Variants in ATF6B observed in about 807,000 individuals in gnomAD.
The protein encoded by ATF6B is activating transcription factor 6 beta.
Under a neutral mutation model 83.5 loss-of-function variants are expected in ATF6B, and 50 were observed. The ratio of observed to expected loss-of-function variants is 0.60; its 90% CI spans 0.48 to 0.76. The LOEUF (loss-of-function observed/expected upper bound fraction) is 0.76, where lower values mean the gene tolerates loss of function less well. Among genes scored for constraint, ATF6B ranks in the 30% least tolerant of loss-of-function variants. The probability of loss-of-function intolerance (pLI) is 0.00; values close to 1 mark genes in which losing one functional copy is unlikely to be tolerated. For missense variants in ATF6B, 790 were observed against 893.8 expected (o/e 0.88, Z 1.48); for synonymous variants, 344 against 362.8 (o/e 0.95, Z 0.59).
Position 32,119,975 on chromosome 6 carries a change from A to G in ATF6B, c.833-18T>C. 1 of 1,612,286 alleles carries G rather than the reference A, an allele frequency of 6.2e-7. No homozygotes were observed. Among genetic ancestry groups the G allele is most frequent in the Non-Finnish European group, 8.5e-7 (1 of 1,178,954 alleles). ...TGGGGACACTGGGGCAAGTGAGCAG[A>G]GGTCAGAGGGCTGTGCGCTGGGTGG... On this transcript the variant is annotated intron_variant, in intron 8 of 17. Coordinates refer to ENST00000375203, the MANE Select transcript of ATF6B (RefSeq NM_004381.5). This position sits in a 1 kb window ranked among gnomAD's most constrained non-coding sequence, Gnocchi z 4.9.
At chr6:32,123,523 A>G (rs1781848285) in intron 5 of ATF6B, among the ~76,000 whole-genome samples, 2 of 151,878 alleles carry the variant, frequency 1.3e-5, no homozygotes, top group African/African-American at 4.8e-5. Flanking sequence ...CGAGTAGCTG[A>G]GACTACAGGT....
In ATF6B at chr6:32,118,835, C is replaced by G. The variant is rs1157217541; in HGVS notation, c.1184G>C (p.Arg395Thr). ...GAAGACCATGATGCAGACCACCTTC[C>G]TGTTTCCAGACCCTAACTTGAGCTC... ...NSELKLGSGN[R>T]KVVCIMVFLL... The change falls in exon 11 of 18, where the codon AGG (arginine) becomes ACG (threonine). Residue 395 changes from arginine to threonine, a missense_variant. By Grantham distance (71) the Arg-to-Thr change is moderately conservative. This residue lies in a region of ATF6B where 530 missense variants were observed against 632.6 expected (regional missense o/e 0.84). Coordinates refer to ENST00000375203, the MANE Select transcript of ATF6B (RefSeq NM_004381.5). The surrounding 1 kb of genome is among the most constrained non-coding windows in gnomAD (Gnocchi z 5.2). The G allele has an allele frequency of 2.5e-6, 4 of 1,614,242 alleles. No homozygotes were observed. The South Asian group carries it at 4.4e-5, about 18-fold the overall frequency.
Position 32,118,932 on chromosome 6 carries a change from C to A in ATF6B, c.1152+24G>T, listed in dbSNP as rs770054829. On this transcript the variant is annotated intron_variant, in intron 10 of 17. Transcript: ENST00000375203. This position sits in a 1 kb window ranked among gnomAD's most constrained non-coding sequence, Gnocchi z 5.2. ...CCAAGGAGGCTGTATTCCTGTTGGT[C>A]TCCCAGGGACAGACTGGTCTTACTT... The A allele has an allele frequency of 2.5e-6, 4 of 1,613,936 alleles. No individual in the cohort carries two copies. In the South Asian group the frequency reaches 3.3e-5, roughly 13 times the overall value.
chr6:32,126,859 C>CA (rs1283515706), intron 4 of ATF6B, among the ~76,000 whole-genome samples: 12 of 150,842 alleles, frequency 8.0e-5, no homozygotes, highest in Non-Finnish European at 1.6e-4. Context: ...GGCCCTATCT[C>CA]AAAAAAAAGC....
At chr6:32,127,797 T>A (rs752348374) in intron 1 of ATF6B, 47 bp from the exon 2 acceptor site, 2 of 1,589,218 alleles carry the variant, frequency 1.3e-6, no homozygotes. Flanking sequence ...GGCCCCAGCC[T>A]ACAGATCGCA....
chr6:32,117,487 G>A lies in ATF6B; in HGVS notation c.1533-83C>T. 6.3e-7 allele frequency: 1 copy of A among 1,594,540 alleles called. No homozygotes were observed. ...GCCCACCCACAGGAGTGAGGAGAGG[G>A]CAGGGAGCACTGGCGCTTTAGTACA... On this transcript the variant is annotated intron_variant, in intron 13 of 17. Coordinates refer to ENST00000375203, the MANE Select transcript of ATF6B (RefSeq NM_004381.5). The surrounding 1 kb of genome is among the most constrained non-coding windows in gnomAD (Gnocchi z 5.0).
At position 32,115,642 on chromosome 6, in the gene ATF6B, A is replaced by G. The variant is rs1455623231; in HGVS notation, c.*97T>C. ...CCCACACCTGCTCTTTCCTTTACCA[A>G]TTGCCCCAAGCCTGGGGATCAGGGA... is the stretch of plus-strand genomic sequence containing the variant. On this transcript the variant is annotated 3_prime_UTR_variant, in exon 18 of 18. Transcript: ENST00000375203. The G allele has an allele frequency of 8.9e-7, 1 of 1,120,472 alleles. No homozygotes were observed. The highest frequency in any genetic ancestry group is 1.6e-5 in the African/African-American group (1 of 64,058). 69.4% of individuals were successfully genotyped at this position (1,120,472 alleles called of 1,614,324 possible). A position where few individuals can be genotyped will look rare whatever the true frequency, so the allele number is the denominator to read the frequency against.
At position 32,115,513 on chromosome 6, in the gene ATF6B, CAAA is replaced by C; in HGVS notation, c.*223_*225del. ...CTGAACCTCACACAATCCCCTCAAACAAAGAAGCCAGGACTGGGGGTTCACAGG... is the reference window on the plus strand; with the variant it reads ...CTGAACCTCACACAATCCCCTCAAACGAAGCCAGGACTGGGGGTTCACAGG... On this transcript the variant is annotated 3_prime_UTR_variant, in exon 18 of 18. Coordinates refer to ENST00000375203, the MANE Select transcript of ATF6B (RefSeq NM_004381.5). 2.3e-6 allele frequency: 1 copy of C among 440,002 alleles called. No homozygotes were observed. Among genetic ancestry groups the C allele is most frequent in the Non-Finnish European group, 4.0e-6 (1 of 251,546 alleles). The allele number at this position is 440,002 out of a possible 1,614,324, so 27.3% of individuals were successfully genotyped here.
Position 32,118,432 on chromosome 6 carries a change from A to G in ATF6B, c.1244+343T>C, listed in dbSNP as rs576223733. The stretch of plus-strand genomic sequence containing the variant: ...ACAACAGTGAAACCCTGTCTCTACT[A>G]AAAAATACAAAAAATTAGCCGGGCA... On this transcript the variant is annotated intron_variant, in intron 11 of 17. Coordinates refer to ENST00000375203, the MANE Select transcript of ATF6B (RefSeq NM_004381.5). This position sits in a 1 kb window ranked among gnomAD's most constrained non-coding sequence, Gnocchi z 5.2. Among the ~76,000 whole-genome samples, 4 of 152,256 alleles carry G rather than the reference A, an allele frequency of 2.6e-5. No homozygotes were observed. The South Asian group carries it at 8.3e-4, about 32-fold the overall frequency.
At position 32,125,976 on chromosome 6, in the gene ATF6B, G is replaced by C; in HGVS notation, c.478+141C>G. The C allele has an allele frequency of 7.9e-7, 1 of 1,265,650 alleles. No homozygotes were observed. Among genetic ancestry groups the C allele is most frequent in the Non-Finnish European group, 1.1e-6 (1 of 918,960 alleles). The allele number at this position is 1,265,650 out of a possible 1,614,324, so 78.4% of individuals were successfully genotyped here. ...TCCTCTCCTTCCTGCCTTCCCTCCT[G>C]GTTTTCTGCCATTTCCCCTCCCCAC... On this transcript the variant is annotated intron_variant, in intron 5 of 17. Coordinates refer to ENST00000375203, the MANE Select transcript of ATF6B (RefSeq NM_004381.5). This position sits in a 1 kb window ranked among gnomAD's most constrained non-coding sequence, Gnocchi z 4.1.
In ATF6B at chr6:32,118,159, G is replaced by T; in HGVS notation, c.1245-121C>A. 2 of 1,238,066 alleles carry T rather than the reference G, an allele frequency of 1.6e-6. No homozygotes were observed. The highest frequency in any genetic ancestry group is 2.3e-6 in the Non-Finnish European group (2 of 870,560). The allele number at this position is 1,238,066 out of a possible 1,614,324, so 76.7% of individuals were successfully genotyped here. On this transcript the variant is annotated intron_variant, in intron 11 of 17. Coordinates refer to ENST00000375203, the MANE Select transcript of ATF6B (RefSeq NM_004381.5). This position sits in a 1 kb window ranked among gnomAD's most constrained non-coding sequence, Gnocchi z 5.2. ...CAATCTGTTATACAAGCCTGAGTCT[G>T]CCTCTGTAAGATGGGAATAAGGATG...
Position 32,117,726 on chromosome 6 carries a change from G to T in ATF6B, c.1425-32C>A. 6.2e-7 allele frequency: 1 copy of T among 1,606,686 alleles called. No individual in the cohort carries two copies. Among genetic ancestry groups the T allele is most frequent in the Non-Finnish European group, 8.5e-7 (1 of 1,175,532 alleles). ...TGAAGCAGGAAGGAGACAACACTTG[G>T]AGACTGCCCAGCACTCCCACAACAA... On this transcript the variant is annotated intron_variant, in intron 12 of 17. Transcript: ENST00000375203. The surrounding 1 kb of genome is among the most constrained non-coding windows in gnomAD (Gnocchi z 5.0).
chr6:32,117,899 T>C lies in ATF6B; in HGVS notation c.1384A>G (p.Lys462Glu). The C allele has an allele frequency of 1.9e-6, 3 of 1,586,922 alleles. No individual in the cohort carries two copies. The highest frequency in any genetic ancestry group is 1.2e-5 in the South Asian group (1 of 86,148). Reference sequence around the variant, plus strand: ...TCTGTGGGGCTGGGCTGGGGCTCCTTAGGGCCCTGGGAGGACCCCTGGAGA... The same window carrying C: ...TCTGTGGGGCTGGGCTGGGGCTCCTCAGGGCCCTGGGAGGACCCCTGGAGA... ...EPLQGSSQGP[K>E]EPQPSPTDQP... The change falls in exon 12 of 18, where the codon AAG becomes GAG. Residue 462 changes from lysine to glutamate, a missense_variant. Lys to Glu is a moderately conservative substitution (Grantham distance 56, BLOSUM62 1). Around this residue, in one of 3 missense-constraint regions of ATF6B, gnomAD observed 530 missense variants for 632.6 expected, o/e 0.84. Transcript: ENST00000375203. This position sits in a 1 kb window ranked among gnomAD's most constrained non-coding sequence, Gnocchi z 5.0.
At chr6:32,120,927 C>A (rs777381099) in intron 7 of ATF6B, 25 bp from the exon 8 acceptor site, 1 of 1,523,806 alleles carries the variant, frequency 6.6e-7, no homozygotes, top group Admixed American at 2.2e-5. Context: ...GAGAAAAGAA[C>A]AAGAAATGTC....
intron 5 of ATF6B, 22 bp downstream of exon 5, chr6:32,126,095 T>C: frequency 1.9e-6 from 3 of 1,613,766 alleles, no homozygotes; most frequent in Non-Finnish European, 2.5e-6. Context: ...AGCCAAGGAT[T>C]GGGGGCAGGC....
At position 32,121,103 on chromosome 6, in the gene ATF6B, G is replaced by A. The variant is rs1343265211; in HGVS notation, c.586C>T (p.Leu196=). 6.4e-7 allele frequency: 1 copy of A among 1,573,222 alleles called. No homozygotes were observed. Among genetic ancestry groups the A allele is most frequent in the South Asian group, 1.2e-5 (1 of 83,908 alleles). Residue 196 remains leucine, a synonymous_variant, in exon 7 of 18, where the codon CTG becomes TTG. Transcript: ENST00000375203. The part of the protein sequence containing the change: ...SSQAFIGEEV[L]EVKTESLSPS... Reference sequence around the variant, plus strand: ...GACAGGGACTCTGTCTTCACTTCCAGGACCTCCTCTCCTATAAAAGCCTAT... The same window carrying A: ...GACAGGGACTCTGTCTTCACTTCCAAGACCTCCTCTCCTATAAAAGCCTAT...
At position 32,119,917 on chromosome 6, in the gene ATF6B, C is replaced by T. The variant is rs1227145671; in HGVS notation, c.873G>A (p.Gln291=). The part of the protein sequence containing the change: ...VVLIQGAIRV[Q]PEGPAPSLPR... ...GTAGAGAGGGAGCCGGCCCTTCAGG[C>T]TGGACTCGAATAGCACCCTGGATGA... Residue 291 remains glutamine (Q), a synonymous_variant, in exon 9 of 18, where the codon CAG becomes CAA. Coordinates refer to ENST00000375203, the MANE Select transcript of ATF6B (RefSeq NM_004381.5). This position sits in a 1 kb window ranked among gnomAD's most constrained non-coding sequence, Gnocchi z 4.9. 1 of 1,614,130 alleles carries T rather than the reference C, an allele frequency of 6.2e-7. No homozygotes were observed. Among genetic ancestry groups the T allele is most frequent in the African/African-American group, 1.3e-5 (1 of 75,016 alleles).
rs1433056068 is a variant in ATF6B, at chr6:32,118,088, G to A, written c.1245-50C>T. 1.2e-6 allele frequency: 2 copies of A among 1,607,754 alleles called. No individual in the cohort carries two copies. Among genetic ancestry groups the A allele is most frequent in the East Asian group, 4.5e-5 (2 of 44,856 alleles). On this transcript the variant is annotated intron_variant, in intron 11 of 17. Coordinates refer to ENST00000375203, the MANE Select transcript of ATF6B (RefSeq NM_004381.5). This position sits in a 1 kb window ranked among gnomAD's most constrained non-coding sequence, Gnocchi z 5.2. Reference sequence around the variant, plus strand: ...CAATGAAGAATTTCAGCTGTATCAAGTATCTAGGTAAGAATAAAGACTCTG... The same window carrying A: ...CAATGAAGAATTTCAGCTGTATCAAATATCTAGGTAAGAATAAAGACTCTG...
chr6:32,124,342 C>T (rs1046085505), intron 5 of ATF6B, among the ~76,000 whole-genome samples: 2 of 152,232 alleles, frequency 1.3e-5, no homozygotes, highest in African/African-American at 4.8e-5. Context: ...ACCTCTTTGA[C>T]TCCTACCTCT....
Sources: allele counts gnomAD v4.1 joint callset (sites outside exome capture counted in the v4.1 genomes callset), GRCh38; gene constraint gnomAD v4.1.1; regional missense constraint gnomAD v4.1.1; non-coding constraint Gnocchi (gnomAD v3.1); transcripts MANE v1.5; gene names NCBI Gene and HGNC (gene_info 2026-07-23, HGNC 2026-07-21).